LMNA: variants seen among roughly 807,000 people sequenced by gnomAD.
The protein encoded by LMNA is lamin A/C.
LMNA carries 20 observed loss-of-function variants against 70.4 expected under a neutral mutation model. That is an observed-to-expected ratio of 0.28 (90% CI 0.20 to 0.41). The LOEUF is 0.41. LMNA is among the 10% of genes least tolerant of loss of function. The pLI is 1.00. For missense variants in LMNA, 652 were observed against 917.2 expected (o/e 0.71, Z 3.73); for synonymous variants, 339 against 372.8 (o/e 0.91, Z 1.04).
In LMNA at chr1:156,135,520, C is replaced by G; in HGVS notation, c.936+208C>G. 1 of 662,662 alleles carries G rather than the reference C, an allele frequency of 1.5e-6. No individual in the cohort carries two copies. The highest frequency in any genetic ancestry group is 2.6e-6 in the Non-Finnish European group (1 of 386,192). 41.0% of individuals were successfully genotyped at this position (662,662 alleles called of 1,614,324 possible). On this transcript the variant is annotated intron_variant, in intron 5 of 11. Coordinates refer to ENST00000368300, the MANE Select transcript of LMNA (RefSeq NM_170707.4). This position sits in a 1 kb window ranked among gnomAD's most constrained non-coding sequence, Gnocchi z 4.8. Reference sequence around the variant, plus strand: ...TCTGTACACTCTTACCTCACCTTCACTTCTCAGGGCTTTGGTTTTCCCATT... The same window carrying G: ...TCTGTACACTCTTACCTCACCTTCAGTTCTCAGGGCTTTGGTTTTCCCATT...
At chr1:156,130,337 A>G (rs1487596804) in intron 1 of LMNA, among the ~76,000 whole-genome samples, 3 of 152,136 alleles carry the variant, frequency 2.0e-5, no homozygotes, top group Non-Finnish European at 2.9e-5. Context: ...AAAAGCATTC[A>G]TATCACGGGG....
At chr1:156,086,218 C>T (rs1363570478) in intron 2 of LMNA, among the ~76,000 whole-genome samples, 1 of 152,246 alleles carries the variant, frequency 6.6e-6, no homozygotes, top group Non-Finnish European at 1.5e-5. Flanking sequence ...CAGCCAGCCA[C>T]TTCCTATTGA....
At position 156,137,701 on chromosome 1, in the gene LMNA, C is replaced by G; in HGVS notation, c.1656C>G (p.Asp552Glu). 2 of 1,556,038 alleles carry G rather than the reference C, an allele frequency of 1.3e-6. No homozygotes were observed. The highest frequency in any genetic ancestry group is 1.7e-6 in the Non-Finnish European group (2 of 1,149,354). ...KLVRSVTVVE[D>E]DEDEDGDDLL... The stretch of plus-strand genomic sequence containing the variant: ...TGCGCTCAGTGACTGTGGTTGAGGA[C>G]GACGAGGATGAGGATGGAGATGACC... The change falls in exon 10 of 12, where the codon GAC (aspartate) becomes GAG (glutamate). Residue 552 changes from aspartate to glutamate, a missense_variant. Coordinates refer to ENST00000368300, the MANE Select transcript of LMNA (RefSeq NM_170707.4). This position sits in a 1 kb window ranked among gnomAD's most constrained non-coding sequence, Gnocchi z 4.6.
At chr1:156,086,652 T>TC (rs759886868) in intron 2 of LMNA, among the ~76,000 whole-genome samples, 9 of 152,156 alleles carry the variant, frequency 5.9e-5, no homozygotes, top group Non-Finnish European at 1.3e-4. Flanking sequence ...TCCTTTTTTT[T>TC]CCTTTTGAGA....
At chr1:156,105,367 C>T (rs1181724838) in intron 3 of LMNA, among the ~76,000 whole-genome samples, 1 of 150,440 alleles carries the variant, frequency 6.6e-6, no homozygotes, top group Non-Finnish European at 1.5e-5. Flanking sequence ...AGTGCAGTCC[C>T]TTCCCCATCC....
upstream of LMNA, among the ~76,000 whole-genome samples, chr1:156,112,092 C>T (rs1374961533): frequency 5.3e-5 from 8 of 152,228 alleles, no homozygotes; most frequent in East Asian, 1.4e-3. Flanking sequence ...GGTGAAAGCC[C>T]TCCTTCTTTC....
upstream of LMNA, among the ~76,000 whole-genome samples, chr1:156,114,172 C>T (rs1163302195): frequency 6.6e-6 from 1 of 152,214 alleles, no homozygotes; most frequent in East Asian, 1.9e-4. Context: ...TTCTCCACCC[C>T]ACTCCTGGCA....
At chr1:156,125,513 C>A (rs765860441) in intron 1 of LMNA, among the ~76,000 whole-genome samples, 1 of 151,746 alleles carries the variant, frequency 6.6e-6, no homozygotes, top group Non-Finnish European at 1.5e-5. Context: ...CATGGCGAAA[C>A]CCTATCTCTA....
chr1:156,135,455 AG>A lies in LMNA; in HGVS notation c.936+146del. 9.2e-7 allele frequency: 1 copy of A among 1,085,992 alleles called. No homozygotes were observed. The highest frequency in any genetic ancestry group is 1.4e-5 in the South Asian group (1 of 74,060). The allele number at this position is 1,085,992 out of a possible 1,614,324, so 67.3% of individuals were successfully genotyped here. A position where few individuals can be genotyped will look rare whatever the true frequency, so the allele number is the denominator to read the frequency against. ...AAAAGTGTCCCCACAACCACAGAGA[AG>A]GGTCGCAGGATGTGGAGTCAGATGG... On this transcript the variant is annotated intron_variant, in intron 5 of 11. Transcript: ENST00000368300. This position sits in a 1 kb window ranked among gnomAD's most constrained non-coding sequence, Gnocchi z 4.8.
At chr1:156,109,818 G>GTGTGTGTGTGTGTATATATA (rs1553261281), upstream of LMNA, 5 of 131,772 alleles carry the variant, frequency 3.8e-5, no homozygotes, top group African/African-American at 1.4e-4. Flanking sequence ...GTGTGTGTGT[G>GTGTGTGTGTGTGTATATATA]CATATATATA....
Position 156,135,241 on chromosome 1 carries a change from C to G in LMNA, c.865C>G (p.His289Asp). 1.2e-6 allele frequency: 2 copies of G among 1,613,804 alleles called. No individual in the cohort carries two copies. Among genetic ancestry groups the G allele is most frequent in the Non-Finnish European group, 1.7e-6 (2 of 1,180,032 alleles). The change falls in exon 5 of 12, where the codon CAC becomes GAC. Residue 289 changes from histidine to aspartate, a missense_variant. By Grantham distance (81) the His-to-Asp change is moderately conservative (BLOSUM62 -1). Coordinates refer to ENST00000368300, the MANE Select transcript of LMNA (RefSeq NM_170707.4). The surrounding 1 kb of genome is among the most constrained non-coding windows in gnomAD (Gnocchi z 4.8). ...ERNSNLVGAAHEELQQSRIRI... is the reference protein window; with the variant it reads ...ERNSNLVGAADEELQQSRIRI... ...GAACAGCAACCTGGTGGGGGCTGCC[C>G]ACGAGGAGCTGCAGCAGTCGCGCAT...
At chr1:156,139,006 C>T in intron 11 of LMNA, 74 bp from the exon 12 acceptor site, 1 of 1,532,696 alleles carries the variant, frequency 6.5e-7, no homozygotes, top group South Asian at 1.1e-5. Context: ...TACCTCCCTT[C>T]TAGGGGCCAG....
chr1:156,135,184 C>A lies in LMNA; in HGVS notation c.811-3C>A. The A allele has an allele frequency of 6.2e-7, 1 of 1,614,074 alleles. No individual in the cohort carries two copies. The highest frequency in any genetic ancestry group is 1.7e-5 in the Admixed American group (1 of 60,030). The stretch of plus-strand genomic sequence containing the variant: ...AGTCCTAACCCTTTGTCCTCCCCTC[C>A]AGCTGGACAATGCCAGGCAGTCTGC... On this transcript the variant is annotated splice_polypyrimidine_tract_variant and splice_region_variant and intron_variant, in intron 4 of 11. Coordinates refer to ENST00000368300, the MANE Select transcript of LMNA (RefSeq NM_170707.4). This position sits in a 1 kb window ranked among gnomAD's most constrained non-coding sequence, Gnocchi z 4.8.
At chr1:156,119,933 T>A (rs931775983) in intron 1 of LMNA, among the ~76,000 whole-genome samples, 1 of 152,172 alleles carries the variant, frequency 6.6e-6, no homozygotes, top group Non-Finnish European at 1.5e-5. Context: ...ACAGGTAACA[T>A]GCACAAGTAA....
intron 3 of LMNA, among the ~76,000 whole-genome samples, chr1:156,095,837 C>T (rs1038749082): frequency 1.1e-4 from 16 of 152,216 alleles, no homozygotes; most frequent in African/African-American, 3.9e-4. Context: ...CTGCTTATTG[C>T]CCATATCCTA....
At position 156,130,640 on chromosome 1, in the gene LMNA, T is replaced by TTGGTCACCTGA. The variant is rs1650971932; in HGVS notation, c.380_381insTGGTCACCTGA (p.Ile128GlyfsTer5). ...AGCAATACCAAGAAGGAGGGTGACC[T>TTGGTCACCTGA]GATAGCTGCTCAGGCTCGGCTGAAG... On this transcript the variant is annotated frameshift_variant, in exon 2 of 12. Coordinates refer to ENST00000368300, the MANE Select transcript of LMNA (RefSeq NM_170707.4). LOFTEE classifies it high-confidence loss of function. The TTGGTCACCTGA allele has an allele frequency of 6.2e-7, 1 of 1,613,984 alleles. No homozygotes were observed. The highest frequency in any genetic ancestry group is 8.5e-7 in the Non-Finnish European group (1 of 1,180,042).
Position 156,114,973 on chromosome 1 carries a change from A to C in LMNA, c.55A>C (p.Thr19Pro). 1 of 1,591,772 alleles carries C rather than the reference A, an allele frequency of 6.3e-7. No homozygotes were observed. The highest frequency in any genetic ancestry group is 1.1e-5 in the South Asian group (1 of 87,700). Residue 19 changes from threonine to proline, a missense_variant, in exon 1 of 12, where the codon ACT (threonine) becomes CCT (proline). Physicochemically the swap from Thr to Pro is conservative, Grantham distance 38. Around this residue, in one of 4 missense-constraint regions of LMNA, gnomAD observed 254 missense variants for 421.9 expected, o/e 0.60. Transcript: ENST00000368300. ...ATRSGAQASS[T>P]PLSPTRITRL... is the part of the protein sequence containing the mutation. ...CCGCAGCGGGGCGCAGGCCAGCTCC[A>C]CTCCGCTGTCGCCCACCCGCATCAC...
chr1:156,139,356 C>A lies in LMNA; in HGVS notation c.*250C>A. ...CTATCTCAATCCTAATTTCTCCTCC[C>A]TTCCTTTTCCCTGCTTCCAGGAAAC... On this transcript the variant is annotated 3_prime_UTR_variant, in exon 12 of 12. Transcript: ENST00000368300. 1.4e-6 allele frequency: 2 copies of A among 1,398,774 alleles called. No homozygotes were observed. Among genetic ancestry groups the A allele is most frequent in the Non-Finnish European group, 1.8e-6 (2 of 1,081,654 alleles). The allele number at this position is 1,398,774 out of a possible 1,614,324, so 86.6% of individuals were successfully genotyped here.
rs1651946896 is a variant in LMNA, at chr1:156,139,665, G to T, written c.*559G>T. 3 of 1,503,726 alleles carry T rather than the reference G, an allele frequency of 2.0e-6. No homozygotes were observed. Among genetic ancestry groups the T allele is most frequent in the African/African-American group, 2.8e-5 (2 of 71,992 alleles). 93.1% of individuals were successfully genotyped at this position (1,503,726 alleles called of 1,614,324 possible). A position where few individuals can be genotyped will look rare whatever the true frequency, so the allele number is the denominator to read the frequency against. ...TGTGATTCCACTACACCTGGCTGAGGTTCCTCTGCCTGCCCCGCCCCCAGT... is the reference window on the plus strand; with the variant it reads ...TGTGATTCCACTACACCTGGCTGAGTTTCCTCTGCCTGCCCCGCCCCCAGT... On this transcript the variant is annotated 3_prime_UTR_variant, in exon 12 of 12. Coordinates refer to ENST00000368300, the MANE Select transcript of LMNA (RefSeq NM_170707.4).
Sources: allele counts gnomAD v4.1 joint callset (sites outside exome capture counted in the v4.1 genomes callset), GRCh38; gene constraint gnomAD v4.1.1; regional missense constraint gnomAD v4.1.1; non-coding constraint Gnocchi (gnomAD v3.1); transcripts MANE v1.5; gene names NCBI Gene and HGNC (gene_info 2026-07-23, HGNC 2026-07-21).